The following KLHL29 variants were observed in gnomAD, a reference collection of about 807,000 sequenced individuals.
KLHL29 encodes the protein kelch-like protein 29.
In KLHL29, 21 loss-of-function variants were observed where a neutral mutation model predicts 80.4. That is an observed-to-expected ratio of 0.26 (90% CI 0.19 to 0.38). The LOEUF (loss-of-function observed/expected upper bound fraction) is 0.38. Ranked by LOEUF, KLHL29 falls within the 10% of genes least tolerant of loss-of-function variation. The probability of loss-of-function intolerance (pLI) is 1.00; values close to 1 mark genes in which losing one functional copy is unlikely to be tolerated. For synonymous variants in KLHL29, 511 were observed against 526.8 expected (o/e 0.97, Z 0.41); for missense variants, 867 against 1,223.9 (o/e 0.71, Z 4.35).
intron 3 of KLHL29, among the ~76,000 whole-genome samples, chr2:23,602,232 G>A (rs575657779): frequency 2.3e-4 from 35 of 152,288 alleles, no homozygotes; most frequent in Middle Eastern, 3.4e-3. Context: ...AAGACATGAC[G>A]TCGTTCCTGT....
chr2:23,545,549 G>A (rs575285094), intron 2 of KLHL29, among the ~76,000 whole-genome samples: 1 of 152,246 alleles, frequency 6.6e-6, no homozygotes, highest in African/African-American at 2.4e-5. Context: ...GAGCTCAGGG[G>A]TGTGGAGAGA....
At chr2:23,640,750 C>T (rs898554525) in intron 4 of KLHL29, among the ~76,000 whole-genome samples, 9 of 152,268 alleles carry the variant, frequency 5.9e-5, no homozygotes, top group Non-Finnish European at 5.9e-5. Flanking sequence ...ATAGTGCCTG[C>T]TGCTGAGGAG....
chr2:23,639,050 T>A lies in KLHL29; in HGVS notation c.286-89T>A. 9 of 1,305,652 alleles carry A rather than the reference T, an allele frequency of 6.9e-6. No individual in the cohort carries two copies. The South Asian group carries it at 1.6e-4, about 24-fold the overall frequency. The allele number at this position is 1,305,652 out of a possible 1,614,324, so 80.9% of individuals were successfully genotyped here. On this transcript the variant is annotated intron_variant, in intron 3 of 13. Transcript: ENST00000486442. ...CGAAGCTTAGGCAACTGGAGTCTTG[T>A]TTTGGAGGCTAGGTCCCTCCTAGGG... is the stretch of plus-strand genomic sequence containing the variant.
At chr2:23,556,782 C>A (rs1175758939) in intron 2 of KLHL29, among the ~76,000 whole-genome samples, 2 of 152,232 alleles carry the variant, frequency 1.3e-5, no homozygotes, top group African/African-American at 2.4e-5. Flanking sequence ...ACCTGTGAGG[C>A]CTTTCACATT....
Position 23,684,349 on chromosome 2 carries a change from A to C in KLHL29, c.941-50A>C. The stretch of plus-strand genomic sequence containing the variant: ...AAAAAACTTTTTTTAATTAAAAAAA[A>C]AAAAACTCTTAATGGGAACCTGGCC... On this transcript the variant is annotated intron_variant, in intron 5 of 13. Coordinates refer to ENST00000486442, the MANE Select transcript of KLHL29 (RefSeq NM_052920.2). This position sits in a 1 kb window ranked among gnomAD's most constrained non-coding sequence, Gnocchi z 4.4. 1 of 1,312,208 alleles carries C rather than the reference A, an allele frequency of 7.6e-7. No homozygotes were observed. The highest frequency in any genetic ancestry group is 9.8e-7 in the Non-Finnish European group (1 of 1,015,754). 81.3% of individuals were successfully genotyped at this position (1,312,208 alleles called of 1,614,324 possible). A position where few individuals can be genotyped will look rare whatever the true frequency, so the allele number is the denominator to read the frequency against.
At chr2:23,616,293 CAGAA>C (rs1352833442) in intron 3 of KLHL29, among the ~76,000 whole-genome samples, 3 of 152,296 alleles carry the variant, frequency 2.0e-5, no homozygotes, top group East Asian at 1.9e-4. Flanking sequence ...AATCCTGTGA[CAGAA>C]AGGCTGCGGA....
chr2:23,436,278 CTTTG>C (rs1307160781), intron 1 of KLHL29, among the ~76,000 whole-genome samples: 6 of 110,018 alleles, frequency 5.5e-5, no homozygotes, highest in Admixed American at 3.1e-4. Context: ...AGCCAATCAG[CTTTG>C]TGTGTGTGTG....
chr2:23,665,251 G>A (rs1454901470), intron 5 of KLHL29, among the ~76,000 whole-genome samples: 1 of 152,244 alleles, frequency 6.6e-6, no homozygotes, highest in Non-Finnish European at 1.5e-5. Flanking sequence ...ACAGCTTGAA[G>A]GGCTGGATTG....
chr2:23,659,884 A>G (rs1043269613), intron 5 of KLHL29, among the ~76,000 whole-genome samples: 2 of 151,576 alleles, frequency 1.3e-5, no homozygotes, highest in Non-Finnish European at 2.9e-5. Flanking sequence ...CCATGGTCAG[A>G]GCAATCTTCC....
At chr2:23,516,917 C>T (rs765551829) in intron 2 of KLHL29, among the ~76,000 whole-genome samples, 2 of 152,210 alleles carry the variant, frequency 1.3e-5, no homozygotes, top group Non-Finnish European at 2.9e-5. Context: ...TGTGGTGTCC[C>T]GCCAGCCCAT....
At chr2:23,462,924 C>T (rs561245014) in intron 1 of KLHL29, among the ~76,000 whole-genome samples, 6 of 152,134 alleles carry the variant, frequency 3.9e-5, no homozygotes, top group Non-Finnish European at 5.9e-5. Context: ...TGCTTGAGCC[C>T]GGGAGTTCGA....
At chr2:23,552,793 C>T (rs1246489687) in intron 2 of KLHL29, among the ~76,000 whole-genome samples, 1 of 71,876 alleles carries the variant, frequency 1.4e-5, no homozygotes, top group Non-Finnish European at 2.4e-5. Context: ...TGGCGTCTCA[C>T]TGTGTCGCCA....
rs573508191 is a variant in KLHL29 at position 23,512,654 on chromosome 2, G to C, written c.-46+36987G>C. Among the ~76,000 whole-genome samples, 32 of 152,310 alleles carry C rather than the reference G, an allele frequency of 2.1e-4. No individual in the cohort carries two copies. The South Asian group carries it at 5.4e-3, about 26-fold the overall frequency. Reference sequence around the variant, plus strand: ...ATCACGGCTGTTCTCTAAGGACTGGGTAGTCACTAACAAATCCATTTTCCT... The same window carrying C: ...ATCACGGCTGTTCTCTAAGGACTGGCTAGTCACTAACAAATCCATTTTCCT... On this transcript the variant is annotated intron_variant, in intron 2 of 13. Transcript: ENST00000486442.
chr2:23,434,573 C>T (rs947921800), intron 1 of KLHL29, among the ~76,000 whole-genome samples: 5 of 152,240 alleles, frequency 3.3e-5, no homozygotes, highest in East Asian at 1.9e-4. Flanking sequence ...GCCTTGTAGA[C>T]GGGAAGAAAG....
At position 23,494,083 on chromosome 2, in the gene KLHL29, G is replaced by A. The variant is rs1665185949; in HGVS notation, c.-46+18416G>A. On this transcript the variant is annotated intron_variant, in intron 2 of 13. Transcript: ENST00000486442. The stretch of plus-strand genomic sequence containing the variant: ...AAATCTGAGAATACAAATTATAATA[G>A]TTGTCGTATAAGACCTCTGGGAAGC... Among the ~76,000 whole-genome samples, 4 of 152,142 alleles carry A rather than the reference G, an allele frequency of 2.6e-5. No individual in the cohort carries two copies. The South Asian group carries it at 8.3e-4, about 31-fold the overall frequency.
intron 2 of KLHL29, among the ~76,000 whole-genome samples, chr2:23,561,252 G>T (rs1271563731): frequency 6.6e-6 from 1 of 152,152 alleles, no homozygotes; most frequent in Non-Finnish European, 1.5e-5. Flanking sequence ...AGTAACACCA[G>T]GCCCTGGATG....
chr2:23,629,901 C>G (rs1172074373), intron 3 of KLHL29, among the ~76,000 whole-genome samples: 2 of 152,166 alleles, frequency 1.3e-5, no homozygotes, highest in African/African-American at 4.8e-5. Context: ...CACTTCCATG[C>G]TTGAGATCCG....
chr2:23,597,361 GTATATATATA>G (rs1558402744), intron 3 of KLHL29, among the ~76,000 whole-genome samples: 5 of 81,540 alleles, frequency 6.1e-5, no homozygotes, highest in Non-Finnish European at 1.1e-4. Context: ...ATATGTGTAT[GTATATATATA>G]TGTGTGTGTG....
intron 1 of KLHL29, among the ~76,000 whole-genome samples, chr2:23,473,939 CG>C (rs1664563521): frequency 6.6e-6 from 1 of 152,182 alleles, no homozygotes; most frequent in Non-Finnish European, 1.5e-5. Context: ...GATGCCCACA[CG>C]ACCTACTCCT....
Sources: gnomAD v4.1 joint callset for allele counts (sites outside exome capture counted in the v4.1 genomes callset) on GRCh38, gnomAD v4.1.1 for gene constraint, Gnocchi (gnomAD v3.1) non-coding constraint, MANE v1.5 for transcripts, NCBI Gene and HGNC (gene_info 2026-07-23, HGNC 2026-07-21) for gene names.